KDM3B: variants seen among roughly 807,000 people sequenced by gnomAD.
The protein encoded by KDM3B is lysine demethylase 3B.
In KDM3B, 10 loss-of-function variants were observed where a neutral mutation model predicts 170.0. That is an observed-to-expected ratio of 0.06 (90% CI 0.04 to 0.10). The LOEUF is 0.10. KDM3B is among the 10% of genes least tolerant of loss of function. KDM3B has a pLI of 1.00. For missense variants in KDM3B, 1,394 were observed against 2,195.2 expected, an observed-to-expected ratio of 0.64 and a Z score of 7.29; for synonymous variants, 831 against 834.8, an observed-to-expected ratio of 1.00 and a Z score of 0.08.
At chr5:138,423,553 G>C (rs950011682) in intron 15 of KDM3B, among the ~76,000 whole-genome samples, 2 of 152,164 alleles carry the variant, frequency 1.3e-5, no homozygotes, top group African/African-American at 4.8e-5. Flanking sequence ...TGGAGAGTAG[G>C]AGACTGCTTT....
intron 6 of KDM3B, among the ~76,000 whole-genome samples, chr5:138,384,181 G>T (rs1458349902): frequency 1.3e-5 from 2 of 151,498 alleles, no homozygotes; most frequent in African/African-American, 4.9e-5. Context: ...GGGAGGTGGA[G>T]CTTGCAGTGA....
chr5:138,375,684 A>AT (rs1761980562), intron 3 of KDM3B, among the ~76,000 whole-genome samples: 1 of 148,958 alleles, frequency 6.7e-6, no homozygotes, highest in East Asian at 2.0e-4. Context: ...AGCCTATTTT[A>AT]TTTTTTTGAG....
At chr5:138,390,581 T>TTG (rs965351702) in intron 7 of KDM3B, among the ~76,000 whole-genome samples, 4 of 152,180 alleles carry the variant, frequency 2.6e-5, no homozygotes, top group African/African-American at 9.7e-5. Context: ...AATCAAAACT[T>TTG]TAACAATAGC....
intron 1 of KDM3B, among the ~76,000 whole-genome samples, chr5:138,371,790 C>T (rs7719002): frequency 0.041 from 6,240 of 152,130 alleles, 173 homozygotes; most frequent in South Asian, 0.11. Context: ...CACAGCAAGA[C>T]CCTATCTCTA....
chr5:138,371,563 G>A (rs1038046306), intron 1 of KDM3B, among the ~76,000 whole-genome samples: 1 of 152,014 alleles, frequency 6.6e-6, no homozygotes, highest in African/African-American at 2.4e-5. Flanking sequence ...GCCTACTTAA[G>A]TATATTTCAA....
intron 22 of KDM3B, 43 bp from the exon 23 acceptor site, chr5:138,431,382 C>G: frequency 6.7e-7 from 1 of 1,495,712 alleles, no homozygotes; most frequent in Non-Finnish European, 9.0e-7. Flanking sequence ...GTTATTGAAT[C>G]TCTAATGTCT....
chr5:138,435,360 G>T (rs1375192220), intron 23 of KDM3B, among the ~76,000 whole-genome samples: 2 of 152,176 alleles, frequency 1.3e-5, no homozygotes, highest in Non-Finnish European at 2.9e-5. Context: ...TCCACATAAA[G>T]AGCTCAGCAG....
chr5:138,427,119 A>G, intron 18 of KDM3B, 54 bp downstream of exon 18: 2 of 1,606,754 alleles, frequency 1.2e-6, no homozygotes, highest in Non-Finnish European at 1.7e-6. Flanking sequence ...GTAATCACAG[A>G]AAAGTGAAAT....
intron 6 of KDM3B, among the ~76,000 whole-genome samples, chr5:138,383,560 C>A (rs556076919): frequency 6.6e-6 from 1 of 152,292 alleles, no homozygotes; most frequent in South Asian, 2.1e-4. Context: ...TTTATAGTAA[C>A]CCTTTTTAGA....
chr5:138,382,214 G>A (rs1323525226), intron 6 of KDM3B, among the ~76,000 whole-genome samples: 8 of 152,080 alleles, frequency 5.3e-5, no homozygotes, highest in African/African-American at 1.7e-4. Flanking sequence ...TTGGGAGGCC[G>A]AGGCAGGCGG....
intron 11 of KDM3B, among the ~76,000 whole-genome samples, chr5:138,410,119 T>C (rs1762924868): frequency 7.8e-6 from 1 of 127,844 alleles, no homozygotes; most frequent in East Asian, 2.6e-4. Flanking sequence ...AAAAGAAAAA[T>C]AGAGGGTTGA....
intron 4 of KDM3B, among the ~76,000 whole-genome samples, chr5:138,378,826 G>T (rs1762060921): frequency 6.7e-6 from 1 of 149,310 alleles, no homozygotes; most frequent in Non-Finnish European, 1.5e-5. Context: ...GATATATATA[G>T]ATATAATGTA....
At position 138,372,856 on chromosome 5, in the gene KDM3B, CTGGGTGGGAACA is replaced by C. The variant is rs780293159; in HGVS notation, c.360+18_360+29del. 6.2e-7 allele frequency: 1 copy of C among 1,609,868 alleles called. No individual in the cohort carries two copies. Among genetic ancestry groups the C allele is most frequent in the Admixed American group, 1.7e-5 (1 of 59,454 alleles). On this transcript the variant is annotated intron_variant, in intron 2 of 23. Transcript: ENST00000314358. The stretch of plus-strand genomic sequence containing the variant: ...GGCCAGCCCTGGTGAGTGGCTTTTA[CTGGGTGGGAACA>C]TGTCTGAGCTTTACTCCTATAATAT...
intron 15 of KDM3B, among the ~76,000 whole-genome samples, 158 bp from the exon 16 acceptor site, chr5:138,423,914 CTTA>C (rs1447974915): frequency 6.6e-6 from 1 of 152,166 alleles, no homozygotes; most frequent in Admixed American, 6.5e-5. Context: ...AAGATGTTGA[CTTA>C]TTATCCCCCT....
intron 23 of KDM3B, among the ~76,000 whole-genome samples, chr5:138,432,867 C>T (rs1053887579): frequency 5.9e-5 from 9 of 151,366 alleles, no homozygotes; most frequent in Middle Eastern, 3.5e-3. Flanking sequence ...GCCTCAGCCT[C>T]CCGAGTAGCT....
At chr5:138,419,436 C>T (rs560349868) in intron 14 of KDM3B, among the ~76,000 whole-genome samples, 38 of 151,824 alleles carry the variant, frequency 2.5e-4, no homozygotes, top group African/African-American at 8.7e-4. Context: ...GGGCAGATCG[C>T]GAGGTCAGGA....
chr5:138,382,665 G>GA (rs769877079), intron 6 of KDM3B, among the ~76,000 whole-genome samples: 2 of 151,738 alleles, frequency 1.3e-5, no homozygotes, highest in African/African-American at 4.8e-5. Flanking sequence ...AATAGGAAAA[G>GA]AAAAAAAATT....
intron 5 of KDM3B, 81 bp from the exon 6 acceptor site, chr5:138,381,435 G>A: frequency 2.3e-6 from 2 of 886,258 alleles, no homozygotes; most frequent in Non-Finnish European, 3.7e-6. Context: ...TCAATAAAGA[G>A]ATAATTACAT....
intron 11 of KDM3B, among the ~76,000 whole-genome samples, chr5:138,407,206 G>A (rs994729454): frequency 2.6e-5 from 4 of 151,732 alleles, no homozygotes; most frequent in Non-Finnish European, 5.9e-5. Flanking sequence ...GGCAGGTTTC[G>A]AACTCCTGAC....
Sources: allele counts gnomAD v4.1 joint callset (sites outside exome capture counted in the v4.1 genomes callset), GRCh38; gene constraint gnomAD v4.1.1; transcripts MANE v1.5; gene names NCBI Gene and HGNC (gene_info 2026-07-23, HGNC 2026-07-21).